Variants in CCSER1 observed in about 807,000 individuals in gnomAD.
CCSER1 encodes coiled-coil serine rich protein 1, also known as serine-rich coiled-coil domain-containing protein 1.
In CCSER1, 41 loss-of-function variants were observed where a neutral mutation model predicts 82.0. That is an observed-to-expected ratio of 0.50 (90% CI 0.39 to 0.65). The LOEUF (loss-of-function observed/expected upper bound fraction) is 0.65, where lower values mean the gene tolerates loss of function less well. CCSER1 is among the 30% of genes least tolerant of loss of function. The pLI, the probability that CCSER1 is intolerant of heterozygous loss-of-function variation, is 0.00. For missense variants in CCSER1, 1,119 were observed against 1,064.2 expected (o/e 1.05, Z -0.72); for synonymous variants, 414 against 383.9 (o/e 1.08, Z -0.92).
intron 3 of CCSER1, among the ~76,000 whole-genome samples, chr4:90,395,915 CAA>C (rs57765593): frequency 1.9e-4 from 19 of 102,004 alleles, no homozygotes; most frequent in Admixed American, 3.1e-4. Context: ...ACTAAAAATA[CAA>C]AAAAAAAAAA....
At chr4:91,017,811 TTGTGTGTG>T (rs34719158) in intron 9 of CCSER1, among the ~76,000 whole-genome samples, 2,128 of 144,002 alleles carry the variant, frequency 0.015, 26 homozygotes, top group African/African-American at 0.033. Flanking sequence ...GGTTTTTAAA[TTGTGTGTG>T]TGTGTGTGTG....
chr4:91,421,188 G>A (rs566297534), intron 10 of CCSER1, among the ~76,000 whole-genome samples: 1 of 152,278 alleles, frequency 6.6e-6, no homozygotes, highest in South Asian at 2.1e-4. Context: ...CAGAACAGAA[G>A]GGTATACATA....
At chr4:90,584,688 G>T (rs1380745527) in intron 5 of CCSER1, among the ~76,000 whole-genome samples, 1 of 152,138 alleles carries the variant, frequency 6.6e-6, no homozygotes, top group Admixed American at 6.6e-5. Flanking sequence ...GTAACACAGT[G>T]CTTACTAGCA....
chr4:91,219,834 C>A (rs1043678453), intron 10 of CCSER1, among the ~76,000 whole-genome samples: 6 of 152,026 alleles, frequency 3.9e-5, no homozygotes, highest in African/African-American at 1.5e-4. Context: ...TAATCACAAA[C>A]CTATGATTGT....
At chr4:91,367,602 T>A (rs1749724249) in intron 10 of CCSER1, among the ~76,000 whole-genome samples, 1 of 152,056 alleles carries the variant, frequency 6.6e-6, no homozygotes, top group Non-Finnish European at 1.5e-5. Flanking sequence ...AGTCATAGTT[T>A]CTATCCTTTT....
intron 10 of CCSER1, among the ~76,000 whole-genome samples, chr4:91,296,147 T>A (rs1050818740): frequency 4.0e-5 from 6 of 151,800 alleles, no homozygotes; most frequent in African/African-American, 1.4e-4. Context: ...AACAAAGTAA[T>A]CATAAGTGAA....
intron 5 of CCSER1, among the ~76,000 whole-genome samples, chr4:90,489,352 T>G (rs1415194911): frequency 6.6e-6 from 1 of 152,136 alleles, no homozygotes; most frequent in Non-Finnish European, 1.5e-5. Context: ...AAAAGAGAAC[T>G]AGTGTGCTAT....
chr4:90,948,029 A>G (rs542563789), intron 9 of CCSER1, among the ~76,000 whole-genome samples: 216 of 152,188 alleles, frequency 1.4e-3, no homozygotes, highest in African/African-American at 4.9e-3. Flanking sequence ...TTTGTACTTA[A>G]TTAGAAAATT....
chr4:91,482,196 A>G (rs931428151), intron 10 of CCSER1, among the ~76,000 whole-genome samples: 1 of 149,092 alleles, frequency 6.7e-6, no homozygotes. Flanking sequence ...AGGTCAGGAG[A>G]TCGAGACCAT....
At chr4:90,265,845 T>G (rs1266629449) in intron 1 of CCSER1, among the ~76,000 whole-genome samples, 1 of 152,122 alleles carries the variant, frequency 6.6e-6, no homozygotes. Context: ...TGCAGTCTTC[T>G]GACAATCACA....
At chr4:90,134,476 C>CA (rs1723324582) in intron 1 of CCSER1, among the ~76,000 whole-genome samples, 1 of 152,214 alleles carries the variant, frequency 6.6e-6, no homozygotes, top group South Asian at 2.1e-4. Context: ...CAGTGCCATT[C>CA]AACCACACTT....
intron 10 of CCSER1, among the ~76,000 whole-genome samples, chr4:91,288,961 T>C (rs1044867068): frequency 3.3e-5 from 5 of 152,036 alleles, no homozygotes; most frequent in African/African-American, 1.2e-4. Flanking sequence ...CTAATAACGA[T>C]TGAGTCATAA....
intron 10 of CCSER1, among the ~76,000 whole-genome samples, chr4:91,165,604 C>T (rs1186322562): frequency 1.3e-5 from 2 of 152,214 alleles, no homozygotes; most frequent in South Asian, 4.1e-4. Flanking sequence ...GCTTCCCAGG[C>T]TGCTTTGTTT....
intron 10 of CCSER1, among the ~76,000 whole-genome samples, chr4:91,446,232 T>C (rs1005429690): frequency 1.3e-5 from 2 of 151,994 alleles, no homozygotes; most frequent in Admixed American, 6.6e-5. Context: ...ATGATAAGGA[T>C]AGGATTTTAG....
At chr4:90,358,008 A>C (rs1460328090) in intron 3 of CCSER1, among the ~76,000 whole-genome samples, 1 of 152,046 alleles carries the variant, frequency 6.6e-6, no homozygotes, top group African/African-American at 2.4e-5. Context: ...TCCCTAAAAA[A>C]AATATGAAGT....
Position 90,787,481 on chromosome 4 carries a change from T to A in CCSER1, c.2011-28281T>A, listed in dbSNP as rs183060695. On this transcript the variant is annotated intron_variant, in intron 7 of 10. Coordinates refer to ENST00000509176, the MANE Select transcript of CCSER1 (RefSeq NM_001145065.2). ...TTACTATCATTGAATAACAATTTTT[T>A]AATGGTTGTTTACTTAGGTTGCTTT... Among the ~76,000 whole-genome samples the A allele has an allele frequency of 5.3e-3, 813 of 152,344 alleles. 6 individuals are homozygous for A. Among genetic ancestry groups the A allele is most frequent in the African/African-American group, 0.019 (793 of 41,580 alleles).
chr4:90,787,251 G>A (rs78341346), intron 7 of CCSER1, among the ~76,000 whole-genome samples: 12,452 of 152,218 alleles, frequency 0.082, 644 homozygotes, highest in East Asian at 0.15. Context: ...GGGAAGATTA[G>A]AGTCCTGCCC....
At chr4:91,046,981 G>T (rs1458601840) in intron 9 of CCSER1, among the ~76,000 whole-genome samples, 3 of 152,218 alleles carry the variant, frequency 2.0e-5, no homozygotes, top group Non-Finnish European at 2.9e-5. Context: ...CTCCCAAAGT[G>T]CTGGGATTAC....
chr4:90,731,841 G>T (rs1744798272), intron 7 of CCSER1, among the ~76,000 whole-genome samples: 1 of 151,958 alleles, frequency 6.6e-6, no homozygotes, highest in Non-Finnish European at 1.5e-5. Flanking sequence ...ATTTATTATT[G>T]ATGTTTATGA....
Sources: gnomAD v4.1 joint callset for allele counts (sites outside exome capture counted in the v4.1 genomes callset) on GRCh38, gnomAD v4.1.1 for gene constraint, MANE v1.5 for transcripts, NCBI Gene and HGNC (gene_info 2026-07-23, HGNC 2026-07-21) for gene names.